The following SH3BP4 variants were observed in gnomAD, a reference collection of about 807,000 sequenced individuals.
SH3BP4 encodes SH3 domain binding protein 4, also known as SH3 domain-binding protein 4.
A neutral mutation model predicts 65.5 loss-of-function variants in SH3BP4; 33 were observed. That is an observed-to-expected ratio of 0.50 (90% CI 0.38 to 0.67). The LOEUF (loss-of-function observed/expected upper bound fraction) is 0.67, where lower values mean the gene tolerates loss of function less well. SH3BP4 is among the 30% of genes least tolerant of loss of function. SH3BP4 has a pLI of 0.00. For missense variants in SH3BP4, 1,134 were observed against 1,261.4 expected, an observed-to-expected ratio of 0.90 and a Z score of 1.53; for synonymous variants, 552 against 545.5, an observed-to-expected ratio of 1.01 and a Z score of -0.17.
rs551088287 is a variant in SH3BP4 at position 235,011,700 on chromosome 2, C to G, written c.-133+16324C>G. On this transcript the variant is annotated intron_variant, in intron 2 of 5. Coordinates refer to ENST00000392011, the MANE Select transcript of SH3BP4 (RefSeq NM_014521.3). ...TGTGTATTTAGTGAATGTCCTTCCT[C>G]TCGACTTACATTAAGGAAGACTCCA... 1.2e-3 allele frequency among the ~76,000 whole-genome samples: 179 copies of G among 152,340 alleles called. 1 individual carries two copies. The highest frequency in any genetic ancestry group is 4.3e-3 in the African/African-American group (177 of 41,590).
chr2:235,042,682 C>G lies in SH3BP4; in HGVS notation c.1913C>G (p.Pro638Arg). 2 of 1,614,186 alleles carry G rather than the reference C, an allele frequency of 1.2e-6. No homozygotes were observed. Among genetic ancestry groups the G allele is most frequent in the Non-Finnish European group, 1.7e-6 (2 of 1,180,044 alleles). The change falls in exon 4 of 6, where the codon CCG becomes CGG. Residue 638 changes from proline to arginine, a missense_variant. Transcript: ENST00000392011. The surrounding 1 kb of genome is among the most constrained non-coding windows in gnomAD (Gnocchi z 7.3). ...GAAGTCGGGAAAATCATCCTGTCCCCGTTTGCCACCACTACAAAGTACCCG... is the reference window on the plus strand; with the variant it reads ...GAAGTCGGGAAAATCATCCTGTCCCGGTTTGCCACCACTACAAAGTACCCG... ...KNEVGKIILSPFATTTKYPTF... is the reference protein window; with the variant it reads ...KNEVGKIILSRFATTTKYPTF...
rs3731648 is a variant in SH3BP4, at chr2:235,041,640, A to C, written c.871A>C (p.Arg291=). ...EDFRTAWLNH[R]KLARSCHDLD... is the part of the protein sequence containing the mutation. ...TTTTCGAACTGCCTGGCTAAACCACAGGAAGCTGGCCCGGTCTTGCCACGA... is the reference window on the plus strand; with the variant it reads ...TTTTCGAACTGCCTGGCTAAACCACCGGAAGCTGGCCCGGTCTTGCCACGA... The change falls in exon 4 of 6, where the codon AGG becomes CGG. Residue 291 remains arginine, a synonymous_variant. Transcript: ENST00000392011. This position sits in a 1 kb window ranked among gnomAD's most constrained non-coding sequence, Gnocchi z 6.0. 0.13 allele frequency: 216,663 copies of C among 1,613,872 alleles called. 22,229 individuals carry two copies. The highest frequency in any genetic ancestry group is 0.45 in the East Asian group (20,003 of 44,856).
intron 1 of SH3BP4, among the ~76,000 whole-genome samples, chr2:234,993,013 C>A (rs1238556864): frequency 1.3e-5 from 2 of 152,220 alleles, no homozygotes; most frequent in African/African-American, 4.8e-5. Flanking sequence ...CTGGGCAGCA[C>A]CTGGCAGGCT....
At chr2:235,050,849 G>A (rs75127741) in intron 4 of SH3BP4, among the ~76,000 whole-genome samples, 4,435 of 152,132 alleles carry the variant, frequency 0.029, 224 homozygotes, top group East Asian at 0.26. Context: ...GGGGGTGGGG[G>A]GTTGTTTGTT....
At position 234,974,120 on chromosome 2, in the gene SH3BP4, C is replaced by G. The variant is rs1693095732; in HGVS notation, c.-206-21183C>G. Among the ~76,000 whole-genome samples the G allele has an allele frequency of 6.6e-6, 1 of 152,080 alleles. No homozygotes were observed. Among genetic ancestry groups the G allele is most frequent in the Non-Finnish European group, 1.5e-5 (1 of 68,020 alleles). ...GTGGCTCACCCCTGTAATCCCAGCA[C>G]TTTGGGAGGCCGAGGCAGGTGGATC... On this transcript the variant is annotated intron_variant, in intron 1 of 5. Coordinates refer to ENST00000392011, the MANE Select transcript of SH3BP4 (RefSeq NM_014521.3). This position sits in a 1 kb window ranked among gnomAD's most constrained non-coding sequence, Gnocchi z 4.6.
At chr2:235,020,322 CCT>C (rs1201284986) in intron 2 of SH3BP4, among the ~76,000 whole-genome samples, 1 of 152,134 alleles carries the variant, frequency 6.6e-6, no homozygotes, top group Admixed American at 6.5e-5. Flanking sequence ...ATGGTGAAAC[CCT>C]GTCTCTGCCA....
chr2:234,963,597 G>A (rs766111004), intron 1 of SH3BP4, among the ~76,000 whole-genome samples: 1 of 152,194 alleles, frequency 6.6e-6, no homozygotes, highest in East Asian at 1.9e-4. Context: ...GTTTTAGGAT[G>A]CACACATACA....
rs2106275065 is a variant in SH3BP4 at position 234,995,322 on chromosome 2, A to T, written c.-187A>T. On this transcript the variant is annotated 5_prime_UTR_variant, in exon 2 of 6. Coordinates refer to ENST00000392011, the MANE Select transcript of SH3BP4 (RefSeq NM_014521.3). ...TTGCAGCGTCTCCCTTCTCTCCTGG[A>T]CAGAAGGCCGTGTCCTGGGACTTCT... is the stretch of plus-strand genomic sequence containing the variant. 6.6e-6 allele frequency: 1 copy of T among 152,350 alleles called. No individual in the cohort carries two copies. Among genetic ancestry groups the T allele is most frequent in the Admixed American group, 6.5e-5 (1 of 15,290 alleles). 9.4% of individuals were successfully genotyped at this position (152,350 alleles called of 1,614,324 possible).
chr2:234,959,487 A>G (rs1022209064), intron 1 of SH3BP4, among the ~76,000 whole-genome samples: 1 of 152,196 alleles, frequency 6.6e-6, no homozygotes, highest in Non-Finnish European at 1.5e-5. Flanking sequence ...AAAACTTACA[A>G]TATATGATAG....
intron 1 of SH3BP4, among the ~76,000 whole-genome samples, chr2:234,982,328 C>T (rs1178353546): frequency 6.6e-6 from 1 of 152,090 alleles, no homozygotes; most frequent in Non-Finnish European, 1.5e-5. Flanking sequence ...GTGTTGGTGC[C>T]CTCCGCCTGC....
Position 235,053,657 on chromosome 2 carries a change from G to C in SH3BP4, c.2733G>C (p.Arg911=), listed in dbSNP as rs1428868489. ...TWSHQIGDSY[R]DVIQELHLGL... Reference sequence around the variant, plus strand: ...GCCATCAGATCGGGGACAGCTACCGGGATGTCATCCAGGAGCTGCACCTGG... The same window carrying C: ...GCCATCAGATCGGGGACAGCTACCGCGATGTCATCCAGGAGCTGCACCTGG... The change falls in exon 6 of 6, where the codon CGG becomes CGC. Residue 911 remains arginine, a synonymous_variant. Transcript: ENST00000392011. 1.5e-5 allele frequency: 25 copies of C among 1,614,040 alleles called. No individual in the cohort carries two copies. Among genetic ancestry groups the C allele is most frequent in the Non-Finnish European group, 2.1e-5 (25 of 1,180,032 alleles).
At chr2:235,014,264 G>A (rs113825567) in intron 2 of SH3BP4, among the ~76,000 whole-genome samples, 56 of 152,300 alleles carry the variant, frequency 3.7e-4, no homozygotes, top group African/African-American at 1.2e-3. Flanking sequence ...GGGCTCTTAG[G>A]AAAGTCCACT....
At chr2:234,960,154 G>T (rs1386078595) in intron 1 of SH3BP4, among the ~76,000 whole-genome samples, 2 of 152,242 alleles carry the variant, frequency 1.3e-5, no homozygotes, top group Non-Finnish European at 2.9e-5. Flanking sequence ...TGGAGCTGAT[G>T]TAATACTTAC....
intron 3 of SH3BP4, among the ~76,000 whole-genome samples, chr2:235,040,056 G>A (rs1210990359): frequency 6.6e-6 from 1 of 152,078 alleles, no homozygotes; most frequent in East Asian, 1.9e-4. Context: ...TCAACATGAT[G>A]AAACCCCATT....
In SH3BP4 at chr2:234,977,619, T is replaced by C. The variant is rs1693207298; in HGVS notation, c.-206-17684T>C. Among the ~76,000 whole-genome samples, 1 of 152,012 alleles carries C rather than the reference T, an allele frequency of 6.6e-6. No homozygotes were observed. Among genetic ancestry groups the C allele is most frequent in the Non-Finnish European group, 1.5e-5 (1 of 67,994 alleles). Reference sequence around the variant, plus strand: ...GCCCCCACTAATCCCATTAGCGACTTAGGGGTGAGTGGATGGAAAACAGGA... The same window carrying C: ...GCCCCCACTAATCCCATTAGCGACTCAGGGGTGAGTGGATGGAAAACAGGA... On this transcript the variant is annotated intron_variant, in intron 1 of 5. Coordinates refer to ENST00000392011, the MANE Select transcript of SH3BP4 (RefSeq NM_014521.3). The surrounding 1 kb of genome is among the most constrained non-coding windows in gnomAD (Gnocchi z 5.1).
Position 235,053,849 on chromosome 2 carries a change from G to A in SH3BP4, c.*33G>A, listed in dbSNP as rs772683228. ...CCCTCCCCTCCTGCTGCTCTGGAGTGCAAGCCCTCTTCTGCCCTGCGTGCC... is the reference window on the plus strand; with the variant it reads ...CCCTCCCCTCCTGCTGCTCTGGAGTACAAGCCCTCTTCTGCCCTGCGTGCC... On this transcript the variant is annotated 3_prime_UTR_variant, in exon 6 of 6. Transcript: ENST00000392011. 2 of 1,543,532 alleles carry A rather than the reference G, an allele frequency of 1.3e-6. No homozygotes were observed. The highest frequency in any genetic ancestry group is 1.8e-6 in the Non-Finnish European group (2 of 1,116,190).
At chr2:235,011,401 G>C (rs979134564) in intron 2 of SH3BP4, among the ~76,000 whole-genome samples, 4 of 152,224 alleles carry the variant, frequency 2.6e-5, no homozygotes, top group African/African-American at 9.6e-5. Flanking sequence ...ATTGGAGTTA[G>C]AGCCCATCCT....
chr2:235,022,080 G>T (rs140682935), intron 2 of SH3BP4, among the ~76,000 whole-genome samples: 80 of 152,304 alleles, frequency 5.3e-4, no homozygotes, highest in African/African-American at 1.9e-3. Flanking sequence ...TGTGCATCAA[G>T]GGGAAATGAC....
At position 235,041,680 on chromosome 2, in the gene SH3BP4, G is replaced by A; in HGVS notation, c.911G>A (p.Gly304Asp). Residue 304 changes from glycine to aspartate, a missense_variant, in exon 4 of 6, where the codon GGC (glycine) becomes GAC (aspartate). Transcript: ENST00000392011. This position sits in a 1 kb window ranked among gnomAD's most constrained non-coding sequence, Gnocchi z 6.0. ...ARSCHDLDLL[G>D]QSPGWGQTQA... ...TCTTGCCACGACCTGGACTTGCTTG[G>A]CCAAAGCCCTGGTTGGGGCCAGACC... is the stretch of plus-strand genomic sequence containing the variant. The A allele has an allele frequency of 6.2e-7, 1 of 1,613,364 alleles. No homozygotes were observed. Among genetic ancestry groups the A allele is most frequent in the Non-Finnish European group, 8.5e-7 (1 of 1,179,624 alleles).
Sources: gnomAD v4.1 joint callset for allele counts (sites outside exome capture counted in the v4.1 genomes callset) on GRCh38, gnomAD v4.1.1 for gene constraint, Gnocchi (gnomAD v3.1) non-coding constraint, MANE v1.5 for transcripts, NCBI Gene and HGNC (gene_info 2026-07-23, HGNC 2026-07-21) for gene names.